ZNF26: variants seen among roughly 807,000 people sequenced by gnomAD.
ZNF26 encodes epididymis luminal protein 179.
Under a neutral mutation model 54.9 loss-of-function variants are expected in ZNF26, and 32 were observed. That is an observed-to-expected ratio of 0.58 (90% CI 0.44 to 0.78). The LOEUF is 0.78. ZNF26 is among the 30% of genes least tolerant of loss of function. The probability of loss-of-function intolerance (pLI) is 0.00; values close to 1 mark genes in which losing one functional copy is unlikely to be tolerated. For synonymous variants in ZNF26, 221 were observed against 209.2 expected, an observed-to-expected ratio of 1.06 and a Z score of -0.49; for missense variants, 524 against 634.0, an observed-to-expected ratio of 0.83 and a Z score of 1.86.
chr12:132,994,163 T>C (rs1038706765), intron 1 of ZNF26, among the ~76,000 whole-genome samples: 1 of 152,220 alleles, frequency 6.6e-6, no homozygotes, highest in Non-Finnish European at 1.5e-5. Context: ...CCCTGGACTT[T>C]TTAACTTCAA....
intron 1 of ZNF26, among the ~76,000 whole-genome samples, chr12:132,990,600 T>C (rs1952927752): frequency 1.3e-5 from 2 of 152,192 alleles, no homozygotes; most frequent in Non-Finnish European, 2.9e-5. Context: ...TGAAAAATAT[T>C]GTAGAGGGAA....
rs1438391403 is a variant in ZNF26 at position 133,014,614 on chromosome 12, C to T, written c.*3133C>T. The T allele has an allele frequency of 2.0e-5, 3 of 149,820 alleles. No homozygotes were observed. Among genetic ancestry groups the T allele is most frequent in the East Asian group, 2.0e-4 (1 of 4,984 alleles). The allele number at this position is 149,820 out of a possible 1,614,324, so 9.3% of individuals were successfully genotyped here. On this transcript the variant is annotated 3_prime_UTR_variant, in exon 4 of 4. Coordinates refer to ENST00000328654, the MANE Select transcript of ZNF26 (RefSeq NM_019591.4). ...CAGGCTGGAGTGAATTGCACAATCTCGGCTCACTGCAACCTCCGCCTCCTG... is the reference window on the plus strand; with the variant it reads ...CAGGCTGGAGTGAATTGCACAATCTTGGCTCACTGCAACCTCCGCCTCCTG...
intron 1 of ZNF26, among the ~76,000 whole-genome samples, chr12:133,002,318 A>G (rs1409105909): frequency 2.6e-5 from 4 of 151,954 alleles, no homozygotes; most frequent in African/African-American, 9.7e-5. Context: ...TCCAGCCACC[A>G]TTTATCATCC....
intron 1 of ZNF26, among the ~76,000 whole-genome samples, chr12:132,990,250 T>C (rs1952919142): frequency 6.6e-6 from 1 of 152,198 alleles, no homozygotes; most frequent in Non-Finnish European, 1.5e-5. Context: ...TTTGCACCAC[T>C]GCACTCCAGC....
In ZNF26 at chr12:132,989,028, A is replaced by ATTTTT. The variant is rs150395603; in HGVS notation, c.33+2179_33+2183dup. ...TGTAGTTCCAGGAGTCTTTCGGTGA[A>ATTTTT]TTTTTTTTTTTTTTTTTTTTTTTTT... On this transcript the variant is annotated intron_variant, in intron 1 of 3. Coordinates refer to ENST00000328654, the MANE Select transcript of ZNF26 (RefSeq NM_019591.4). 3.9e-3 allele frequency among the ~76,000 whole-genome samples: 308 copies of ATTTTT among 78,848 alleles called. 72 individuals carry two copies. Among genetic ancestry groups the ATTTTT allele is most frequent in the Non-Finnish European group, 5.0e-3 (218 of 43,926 alleles). 51.7% of individuals were successfully genotyped at this position (78,848 alleles called of 152,430 possible).
chr12:133,002,024 T>A (rs1953229003), intron 1 of ZNF26, among the ~76,000 whole-genome samples: 1 of 152,132 alleles, frequency 6.6e-6, no homozygotes, highest in Non-Finnish European at 1.5e-5. Flanking sequence ...TTCCCTTTCT[T>A]CTCACGTGTT....
At position 133,011,289 on chromosome 12, in the gene ZNF26, G is replaced by C; in HGVS notation, c.1410G>C (p.Gln470His). Residue 470 changes from glutamine (Q) to histidine (H), a missense_variant, in exon 4 of 4, where the codon CAG becomes CAC. Transcript: ENST00000328654. ...EKAYPRKASL[Q>H]IHQKTHSGEK... ...CCTACCCTAGGAAGGCATCACTTCAGATACACCAGAAAACTCATTCGGGAG... is the reference window on the plus strand; with the variant it reads ...CCTACCCTAGGAAGGCATCACTTCACATACACCAGAAAACTCATTCGGGAG... 1 of 1,613,936 alleles carries C rather than the reference G, an allele frequency of 6.2e-7. No individual in the cohort carries two copies. Among genetic ancestry groups the C allele is most frequent in the Non-Finnish European group, 8.5e-7 (1 of 1,179,966 alleles).
At chr12:133,009,932 C>G (rs1953432296) in intron 3 of ZNF26, among the ~76,000 whole-genome samples, 1 of 152,106 alleles carries the variant, frequency 6.6e-6, no homozygotes, top group Non-Finnish European at 1.5e-5. Flanking sequence ...TAATTTGCTA[C>G]CAGTTTTCAC....
Position 133,023,601 on chromosome 12 carries a change from T to C in ZNF26, c.*12120T>C, listed in dbSNP as rs1347526588. ...CATAGGAAATTACAATAATCAACCA[T>C]GTTTTACATATGTGGCAGATTTTAT... is the stretch of plus-strand genomic sequence containing the variant. On this transcript the variant is annotated 3_prime_UTR_variant, in exon 4 of 4. Coordinates refer to ENST00000328654, the MANE Select transcript of ZNF26 (RefSeq NM_019591.4). The C allele has an allele frequency of 3.3e-5, 5 of 151,558 alleles. No homozygotes were observed. The highest frequency in any genetic ancestry group is 9.7e-5 in the African/African-American group (4 of 41,256). The allele number at this position is 151,558 out of a possible 1,614,324, so 9.4% of individuals were successfully genotyped here.
rs1287587756 is a variant in ZNF26 at position 133,019,080 on chromosome 12, T to C, written c.*7599T>C. The C allele has an allele frequency of 4.6e-5, 7 of 152,176 alleles. No homozygotes were observed. Among genetic ancestry groups the C allele is most frequent in the Non-Finnish European group, 1.0e-4 (7 of 68,034 alleles). 9.4% of individuals were successfully genotyped at this position (152,176 alleles called of 1,614,324 possible). On this transcript the variant is annotated 3_prime_UTR_variant, in exon 4 of 4. Coordinates refer to ENST00000328654, the MANE Select transcript of ZNF26 (RefSeq NM_019591.4). ...AACCATAATAAATCTCCAGTGGCTT[T>C]CTAATATCAGACACAATAGAGTTTA...
Position 133,001,091 on chromosome 12 carries a change from C to G in ZNF26, c.34-5951C>G, listed in dbSNP as rs1410463357. 6.6e-6 allele frequency among the ~76,000 whole-genome samples: 1 copy of G among 152,054 alleles called. No individual in the cohort carries two copies. On this transcript the variant is annotated intron_variant, in intron 1 of 3. Transcript: ENST00000328654. The surrounding 1 kb of genome is among the most constrained non-coding windows in gnomAD (Gnocchi z 4.7). ...GTGACTTGTTTCATGTTTCTTCTCC[C>G]TCAGATTTAAAGTAACCAGCTTGAT... is the stretch of plus-strand genomic sequence containing the variant.
At position 133,021,849 on chromosome 12, in the gene ZNF26, C is replaced by G. The variant is rs1953647376; in HGVS notation, c.*10368C>G. 6.6e-6 allele frequency: 1 copy of G among 152,068 alleles called. No individual in the cohort carries two copies. Among genetic ancestry groups the G allele is most frequent in the African/African-American group, 2.4e-5 (1 of 41,402 alleles). 9.4% of individuals were successfully genotyped at this position (152,068 alleles called of 1,614,324 possible). A position where few individuals can be genotyped will look rare whatever the true frequency, so the allele number is the denominator to read the frequency against. ...GAGGAATATTGGTAAAGAATATTTA[C>G]AAATTCATTATCATTGTGTAAATTC... On this transcript the variant is annotated 3_prime_UTR_variant, in exon 4 of 4. Coordinates refer to ENST00000328654, the MANE Select transcript of ZNF26 (RefSeq NM_019591.4).
Position 133,002,234 on chromosome 12 carries a change from C to G in ZNF26, c.34-4808C>G, listed in dbSNP as rs1056202469. Among the ~76,000 whole-genome samples the G allele has an allele frequency of 1.5e-4, 23 of 152,250 alleles. No homozygotes were observed. In the South Asian group the frequency reaches 4.1e-3, roughly 27 times the overall value. On this transcript the variant is annotated intron_variant, in intron 1 of 3. Coordinates refer to ENST00000328654, the MANE Select transcript of ZNF26 (RefSeq NM_019591.4). ...GGCTGCTTGGTGTCCTCCTGGCCCCCCTTCTGTCTCTCAGCGTGCCATGCT... is the reference window on the plus strand; with the variant it reads ...GGCTGCTTGGTGTCCTCCTGGCCCCGCTTCTGTCTCTCAGCGTGCCATGCT...
chr12:133,001,486 T>C lies in ZNF26; in HGVS notation c.34-5556T>C, dbSNP rs1231008005. The C allele has an allele frequency of 2.7e-6, 1 of 367,138 alleles. No individual in the cohort carries two copies. Among genetic ancestry groups the C allele is most frequent in the Non-Finnish European group, 5.3e-6 (1 of 190,108 alleles). 22.7% of individuals were successfully genotyped at this position (367,138 alleles called of 1,614,324 possible). ...GTGCGGTGGTCAGTACCCAGAGTTA[T>C]GACAGGCATCAGTGGGGCTTGGTTG... is the stretch of plus-strand genomic sequence containing the variant. On this transcript the variant is annotated intron_variant, in intron 1 of 3. Coordinates refer to ENST00000328654, the MANE Select transcript of ZNF26 (RefSeq NM_019591.4). The surrounding 1 kb of genome is among the most constrained non-coding windows in gnomAD (Gnocchi z 4.7).
chr12:133,021,727 A>T lies in ZNF26; in HGVS notation c.*10246A>T, dbSNP rs1272346645. On this transcript the variant is annotated 3_prime_UTR_variant, in exon 4 of 4. Coordinates refer to ENST00000328654, the MANE Select transcript of ZNF26 (RefSeq NM_019591.4). ...GGTTGCAGTGAGCCGGGATCACACC[A>T]CTGCACTCCAGCCTGGGTGACAGAG... is the stretch of plus-strand genomic sequence containing the variant. 6.6e-6 allele frequency: 1 copy of T among 151,508 alleles called. No homozygotes were observed. Among genetic ancestry groups the T allele is most frequent in the Non-Finnish European group, 1.5e-5 (1 of 67,936 alleles). The allele number at this position is 151,508 out of a possible 1,614,324, so 9.4% of individuals were successfully genotyped here.
chr12:133,006,335 C>A (rs1953326374), intron 1 of ZNF26: 2 of 975,724 alleles, frequency 2.0e-6, no homozygotes. Context: ...CCTGAATTGC[C>A]CTTTCTACCC....
chr12:132,988,404 TA>T lies in ZNF26; in HGVS notation c.33+1536del, dbSNP rs748712262. Among the ~76,000 whole-genome samples the T allele has an allele frequency of 2.5e-4, 38 of 149,156 alleles. 1 individual carries two copies. Among genetic ancestry groups the T allele is most frequent in the Admixed American group, 4.7e-4 (7 of 14,904 alleles). ...GCATATGCCACCACATCAGGCTAATTAAAAATTTTTTTTTTTTTTTGTACAG... is the reference window on the plus strand; with the variant it reads ...GCATATGCCACCACATCAGGCTAATTAAAATTTTTTTTTTTTTTTGTACAG... On this transcript the variant is annotated intron_variant, in intron 1 of 3. Coordinates refer to ENST00000328654, the MANE Select transcript of ZNF26 (RefSeq NM_019591.4).
At chr12:133,006,191 C>G in intron 1 of ZNF26, 2 of 985,002 alleles carry the variant, frequency 2.0e-6, no homozygotes, top group Non-Finnish European at 2.4e-6. Flanking sequence ...ACTGGGTTGC[C>G]CTGGAAGTGG....
At chr12:132,992,187 T>C (rs1211101957) in intron 1 of ZNF26, among the ~76,000 whole-genome samples, 6 of 152,178 alleles carry the variant, frequency 3.9e-5, no homozygotes, top group African/African-American at 1.2e-4. Context: ...ACCTGTATTT[T>C]CCTTTTCTGC....
Sources: gnomAD v4.1 joint callset for allele counts (sites outside exome capture counted in the v4.1 genomes callset) on GRCh38, gnomAD v4.1.1 for gene constraint, Gnocchi (gnomAD v3.1) non-coding constraint, MANE v1.5 for transcripts, NCBI Gene and HGNC (gene_info 2026-07-23, HGNC 2026-07-21) for gene names.